KIZ: variants seen among roughly 807,000 people sequenced by gnomAD.
The protein encoded by KIZ is kizuna centrosomal protein.
In KIZ, 68 loss-of-function variants were observed where a neutral mutation model predicts 79.6. The ratio of observed to expected loss-of-function variants is 0.85; its 90% CI spans 0.70 to 1.05. The LOEUF is 1.05. Ranked by LOEUF, KIZ falls within the 50% of genes least tolerant of loss-of-function variation. The probability of loss-of-function intolerance (pLI) is 0.00; values close to 1 mark genes in which losing one functional copy is unlikely to be tolerated. For synonymous variants in KIZ, 280 were observed against 281.8 expected, an observed-to-expected ratio of 0.99 and a Z score of 0.06; for missense variants, 797 against 800.4, an observed-to-expected ratio of 1.00 and a Z score of 0.05.
At chr20:21,243,966 G>A (rs939372495) in intron 11 of KIZ, among the ~76,000 whole-genome samples, 14 of 152,218 alleles carry the variant, frequency 9.2e-5, no homozygotes, top group Admixed American at 6.5e-4. Context: ...CCAAGAACAC[G>A]TGGCCCCACA....
intron 6 of KIZ, among the ~76,000 whole-genome samples, chr20:21,170,229 A>G (rs1195681149): frequency 6.6e-6 from 1 of 152,188 alleles, no homozygotes; most frequent in Non-Finnish European, 1.5e-5. Context: ...CATGCAATGT[A>G]TAATAATCAC....
chr20:21,152,791 T>C (rs897489435), intron 4 of KIZ, among the ~76,000 whole-genome samples: 2 of 152,244 alleles, frequency 1.3e-5, no homozygotes, highest in Non-Finnish European at 1.5e-5. Flanking sequence ...CTCTTGAAGC[T>C]CATACCTGCT....
At chr20:21,194,232 C>T (rs1465447521) in intron 6 of KIZ, 1 of 152,186 alleles carries the variant, frequency 6.6e-6, no homozygotes, top group Non-Finnish European at 1.5e-5. Flanking sequence ...AGTTACTTGT[C>T]ATTCAGCAGG....
chr20:21,136,305 A>G, intron 2 of KIZ, 85 bp from the exon 3 acceptor site: 1 of 790,058 alleles, frequency 1.3e-6, no homozygotes, highest in South Asian at 1.9e-5. Flanking sequence ...ACATTGTCTC[A>G]TTAACAATTT....
At chr20:21,229,953 G>C (rs2036783860) in intron 10 of KIZ, among the ~76,000 whole-genome samples, 1 of 152,068 alleles carries the variant, frequency 6.6e-6, no homozygotes. Context: ...TTTATACTTT[G>C]TTATTTGTAT....
At chr20:21,182,049 C>T (rs2034676306) in intron 6 of KIZ, among the ~76,000 whole-genome samples, 1 of 152,212 alleles carries the variant, frequency 6.6e-6, no homozygotes, top group South Asian at 2.1e-4. Flanking sequence ...AGCAAAGTGG[C>T]AGCAGCAGTG....
rs1787870829 is a variant in KIZ at position 21,244,174 on chromosome 20, C to T, written c.1881-71C>T. On this transcript the variant is annotated intron_variant, in intron 11 of 12. Transcript: ENST00000619189. ...GAATCAAAGTGCTTCTTCTCTAATGCGTTCATTATGAAAATATTAGTCTCA... is the reference window on the plus strand; with the variant it reads ...GAATCAAAGTGCTTCTTCTCTAATGTGTTCATTATGAAAATATTAGTCTCA... 1.4e-5 allele frequency: 15 copies of T among 1,051,618 alleles called. No individual in the cohort carries two copies. The East Asian group carries it at 1.7e-4, about 12-fold the overall frequency. The allele number at this position is 1,051,618 out of a possible 1,614,324, so 65.1% of individuals were successfully genotyped here.
chr20:21,217,263 C>T (rs903186288), intron 9 of KIZ, among the ~76,000 whole-genome samples: 2 of 152,240 alleles, frequency 1.3e-5, no homozygotes, highest in Non-Finnish European at 2.9e-5. Context: ...GAGAGCTTCA[C>T]GCACCTTGGC....
At chr20:21,180,178 A>G (rs577334957) in intron 6 of KIZ, among the ~76,000 whole-genome samples, 7 of 147,232 alleles carry the variant, frequency 4.8e-5, no homozygotes, top group African/African-American at 1.7e-4. Context: ...TTATATTGCT[A>G]TGTATTTCTC....
chr20:21,156,248 C>G (rs1468595031), intron 4 of KIZ, among the ~76,000 whole-genome samples: 13 of 152,166 alleles, frequency 8.5e-5, no homozygotes, highest in Admixed American at 8.5e-4. Context: ...GTTAACTGAA[C>G]TCTAGACTTG....
At chr20:21,201,253 C>T (rs1395936288) in intron 6 of KIZ, among the ~76,000 whole-genome samples, 1 of 152,088 alleles carries the variant, frequency 6.6e-6, no homozygotes, top group Non-Finnish European at 1.5e-5. Context: ...TTTTTGACAA[C>T]TATGAATTAT....
intron 2 of KIZ, among the ~76,000 whole-genome samples, chr20:21,134,281 G>A (rs945154950): frequency 4.6e-5 from 7 of 152,164 alleles, no homozygotes; most frequent in African/African-American, 1.7e-4. Context: ...TGAAACGTCA[G>A]GCTCTTAAGC....
chr20:21,129,279 TATG>T (rs372155372), intron 1 of KIZ, among the ~76,000 whole-genome samples: 9 of 152,258 alleles, frequency 5.9e-5, no homozygotes, highest in African/African-American at 2.2e-4. Context: ...TATGAAGTGT[TATG>T]ATAGAGAAGT....
At chr20:21,146,656 A>G (rs1045854371) in intron 4 of KIZ, among the ~76,000 whole-genome samples, 3 of 152,212 alleles carry the variant, frequency 2.0e-5, no homozygotes, top group South Asian at 2.1e-4. Flanking sequence ...AGTAAATGTT[A>G]TTATGCAGTT....
chr20:21,166,287 C>T (rs1474705969), intron 6 of KIZ: 19 of 1,601,552 alleles, frequency 1.2e-5, no homozygotes, highest in Non-Finnish European at 1.5e-5. Flanking sequence ...CTGAGGTTGT[C>T]AGTACAATGA....
At chr20:21,141,993 T>C (rs2032572763) in intron 3 of KIZ, among the ~76,000 whole-genome samples, 2 of 151,430 alleles carry the variant, frequency 1.3e-5, no homozygotes, top group South Asian at 4.2e-4. Flanking sequence ...TCCTTGCCTC[T>C]TCTTGCCCCC....
chr20:21,231,823 G>A (rs2036843254), intron 10 of KIZ, among the ~76,000 whole-genome samples: 1 of 152,134 alleles, frequency 6.6e-6, no homozygotes, highest in African/African-American at 2.4e-5. Context: ...AGCAGTGCAT[G>A]TTTCACTTAC....
At chr20:21,207,182 T>G (rs972330803) in intron 7 of KIZ, among the ~76,000 whole-genome samples, 11 of 152,224 alleles carry the variant, frequency 7.2e-5, no homozygotes, top group African/African-American at 2.7e-4. Flanking sequence ...GCCTGTGTCT[T>G]GAAGTCACAT....
In KIZ at chr20:21,162,908, G is replaced by A. The variant is rs1232836181; in HGVS notation, c.1101G>A (p.Glu367=). The part of the protein sequence containing the change: ...SQKPFRKMQE[E]EEESWSTSSD... ...AGCCCTTCAGAAAAATGCAGGAAGA[G>A]GAGGAGGAAAGTTGGAGCACCAGCA... Residue 367 remains glutamate, a synonymous_variant, in exon 6 of 13, where the codon GAG becomes GAA. Coordinates refer to ENST00000619189, the MANE Select transcript of KIZ (RefSeq NM_018474.6). 6.2e-7 allele frequency: 1 copy of A among 1,613,606 alleles called. No homozygotes were observed. Among genetic ancestry groups the A allele is most frequent in the South Asian group, 1.1e-5 (1 of 91,042 alleles).
Sources: allele counts gnomAD v4.1 joint callset (sites outside exome capture counted in the v4.1 genomes callset), GRCh38; gene constraint gnomAD v4.1.1; transcripts MANE v1.5; gene names NCBI Gene and HGNC (gene_info 2026-07-23, HGNC 2026-07-21).